CACNA2D3: variants seen among roughly 807,000 people sequenced by gnomAD.
The protein encoded by CACNA2D3 is voltage-dependent calcium channel subunit alpha-2/delta-3.
A neutral mutation model predicts 160.6 loss-of-function variants in CACNA2D3; 60 were observed. The observed-to-expected ratio is 0.37, with a 90% CI of 0.30 to 0.46. The LOEUF (loss-of-function observed/expected upper bound fraction) is 0.46, where lower values mean the gene tolerates loss of function less well. CACNA2D3 is among the 20% of genes least tolerant of loss of function. The pLI, the probability that CACNA2D3 is intolerant of heterozygous loss-of-function variation, is 1.00. For missense variants in CACNA2D3, 1,205 were observed against 1,365.0 expected (o/e 0.88, Z 1.85); for synonymous variants, 558 against 492.9 (o/e 1.13, Z -1.75).
chr3:54,907,137 T>G (rs973576442), intron 27 of CACNA2D3, among the ~76,000 whole-genome samples: 4 of 152,176 alleles, frequency 2.6e-5, no homozygotes, highest in African/African-American at 9.6e-5. Context: ...CACATCCTCT[T>G]ACCTGCTTGT....
intron 13 of CACNA2D3, among the ~76,000 whole-genome samples, chr3:54,812,355 A>C (rs1703339668): frequency 6.6e-6 from 1 of 152,214 alleles, no homozygotes. Flanking sequence ...CTGCGAAAAG[A>C]GCATATGACA....
chr3:54,123,140 T>G (rs1412850098), intron 1 of CACNA2D3, among the ~76,000 whole-genome samples: 1 of 143,640 alleles, frequency 7.0e-6, no homozygotes, highest in Non-Finnish European at 1.5e-5. Flanking sequence ...TTTGCTCTAC[T>G]GCCGCCCCAC....
chr3:54,126,013 A>C (rs1699583579), intron 2 of CACNA2D3, among the ~76,000 whole-genome samples: 2 of 152,208 alleles, frequency 1.3e-5, no homozygotes, highest in Admixed American at 1.3e-4. Flanking sequence ...AAGGGGACTC[A>C]AAGATGACAA....
Position 54,889,217 on chromosome 3 carries a change from T to A in CACNA2D3, c.2150+1165T>A, listed in dbSNP as rs150066493. Among the ~76,000 whole-genome samples, 128 of 152,244 alleles carry A rather than the reference T, an allele frequency of 8.4e-4. 1 individual carries two copies. Among genetic ancestry groups the A allele is most frequent in the Middle Eastern group, 6.8e-3 (2 of 292 alleles). On this transcript the variant is annotated intron_variant, in intron 24 of 37. Coordinates refer to ENST00000474759, the MANE Select transcript of CACNA2D3 (RefSeq NM_018398.3). ...GGACCTTGGGAGTCAGGTTAAGGATTTTGGATTTTATACTCAGAGCAGTGG... is the reference window on the plus strand; with the variant it reads ...GGACCTTGGGAGTCAGGTTAAGGATATTGGATTTTATACTCAGAGCAGTGG...
At chr3:54,405,476 A>C (rs147749204) in intron 4 of CACNA2D3, among the ~76,000 whole-genome samples, 1 of 152,114 alleles carries the variant, frequency 6.6e-6, no homozygotes, top group African/African-American at 2.4e-5. Flanking sequence ...GGGGGAAAGA[A>C]TAGTCTCATT....
intron 13 of CACNA2D3, among the ~76,000 whole-genome samples, chr3:54,808,090 G>GAT (rs1353626184): frequency 6.7e-6 from 1 of 149,096 alleles, no homozygotes; most frequent in African/African-American, 2.5e-5. Flanking sequence ...AGCATTAGGA[G>GAT]ATATACCTAA....
chr3:54,186,693 G>A (rs9844833), intron 2 of CACNA2D3, among the ~76,000 whole-genome samples: 127,884 of 152,126 alleles, frequency 0.84, 54,422 homozygotes, highest in East Asian at 1. Flanking sequence ...TCTCTGCTGT[G>A]TCTGGATTTA....
chr3:54,612,093 C>T (rs890552950), intron 9 of CACNA2D3, among the ~76,000 whole-genome samples: 1 of 152,160 alleles, frequency 6.6e-6, no homozygotes, highest in Non-Finnish European at 1.5e-5. Flanking sequence ...TGGTTTCCTT[C>T]CCCTTCCTCT....
intron 10 of CACNA2D3, among the ~76,000 whole-genome samples, chr3:54,634,727 G>A (rs1396221911): frequency 1.3e-5 from 2 of 152,300 alleles, no homozygotes; most frequent in Non-Finnish European, 1.5e-5. Flanking sequence ...GCCAGGATGA[G>A]CCAGGAAAAG....
At chr3:54,651,522 A>C (rs1189498717) in intron 11 of CACNA2D3, among the ~76,000 whole-genome samples, 4 of 151,204 alleles carry the variant, frequency 2.6e-5, no homozygotes, top group African/African-American at 9.7e-5. Context: ...GACTGCAAGG[A>C]GGGCAGAAGC....
chr3:54,695,167 A>T (rs1300548852), intron 11 of CACNA2D3, among the ~76,000 whole-genome samples: 6 of 151,968 alleles, frequency 3.9e-5, no homozygotes. Context: ...ACAGGTGCCC[A>T]CCACCATGCG....
intron 11 of CACNA2D3, among the ~76,000 whole-genome samples, chr3:54,658,021 CAAAAAA>C (rs1699905146): frequency 6.6e-6 from 1 of 151,774 alleles, no homozygotes; most frequent in African/African-American, 2.4e-5. Context: ...GACTCTGTCT[CAAAAAA>C]GAAAAAAGAA....
At chr3:55,022,429 T>C (rs905089808) in intron 35 of CACNA2D3, among the ~76,000 whole-genome samples, 1 of 152,152 alleles carries the variant, frequency 6.6e-6, no homozygotes, top group Admixed American at 6.5e-5. Context: ...ATCTGATAGT[T>C]TAATCTTTTA....
intron 4 of CACNA2D3, among the ~76,000 whole-genome samples, chr3:54,416,604 T>C (rs564093759): frequency 6.6e-5 from 10 of 152,336 alleles, no homozygotes; most frequent in South Asian, 2.1e-4. Flanking sequence ...AAAATACTTA[T>C]AGCTTAATCA....
At chr3:54,819,944 A>C (rs1047626828) in intron 14 of CACNA2D3, among the ~76,000 whole-genome samples, 2 of 152,142 alleles carry the variant, frequency 1.3e-5, no homozygotes, top group African/African-American at 4.8e-5. Flanking sequence ...ACCCCAACAA[A>C]GCAAAAATTT....
chr3:54,207,673 G>A (rs977604287), intron 2 of CACNA2D3, among the ~76,000 whole-genome samples: 5 of 152,124 alleles, frequency 3.3e-5, no homozygotes, highest in Non-Finnish European at 7.4e-5. Flanking sequence ...CACGGACTGG[G>A]CTCTGTGCAC....
At position 54,676,367 on chromosome 3, in the gene CACNA2D3, G is replaced by A. The variant is rs550387986; in HGVS notation, c.1167+34126G>A. 1.2e-4 allele frequency among the ~76,000 whole-genome samples: 19 copies of A among 152,208 alleles called. No individual in the cohort carries two copies. In the South Asian group the frequency reaches 3.7e-3, roughly 30 times the overall value. ...GTTTACACCTGGTGGGACCTGTCTT[G>A]TGTCTCTCCCAGCACTTAGCATGGT... On this transcript the variant is annotated intron_variant, in intron 11 of 37. Coordinates refer to ENST00000474759, the MANE Select transcript of CACNA2D3 (RefSeq NM_018398.3).
intron 5 of CACNA2D3, among the ~76,000 whole-genome samples, chr3:54,506,073 C>G (rs1701363799): frequency 6.6e-6 from 1 of 152,094 alleles, no homozygotes; most frequent in Non-Finnish European, 1.5e-5. Flanking sequence ...CTTGTCTCAG[C>G]CAGGCAGTGA....
intron 2 of CACNA2D3, among the ~76,000 whole-genome samples, chr3:54,276,434 G>T (rs563335591): frequency 7.9e-5 from 12 of 152,162 alleles, no homozygotes; most frequent in African/African-American, 2.7e-4. Flanking sequence ...TTAGCCAGGC[G>T]TGGTGGCATA....
Sources: allele counts gnomAD v4.1 joint callset (sites outside exome capture counted in the v4.1 genomes callset), GRCh38; gene constraint gnomAD v4.1.1; transcripts MANE v1.5; gene names NCBI Gene and HGNC (gene_info 2026-07-23, HGNC 2026-07-21).